The following MLLT10 variants were observed in gnomAD, a reference collection of about 807,000 sequenced individuals.
MLLT10 encodes MLLT10 histone lysine methyltransferase DOT1L cofactor.
MLLT10 carries 30 observed loss-of-function variants against 129.1 expected under a neutral mutation model. That is an observed-to-expected ratio of 0.23 (90% CI 0.17 to 0.32). The LOEUF (loss-of-function observed/expected upper bound fraction) is 0.32. MLLT10 is among the 10% of genes least tolerant of loss of function. The pLI is 1.00. For missense variants in MLLT10, 1,119 were observed against 1,268.3 expected, an observed-to-expected ratio of 0.88 and a Z score of 1.79; for synonymous variants, 490 against 446.4, an observed-to-expected ratio of 1.10 and a Z score of -1.23.
chr10:21,534,148 G>A (rs954604485), upstream of MLLT10: 7 of 358,768 alleles, frequency 2.0e-5, no homozygotes, highest in Admixed American at 1.9e-4. Flanking sequence ...GAGGTAGGCC[G>A]GGGGCAGCCA....
intron 14 of MLLT10, among the ~76,000 whole-genome samples, chr10:21,723,149 G>A (rs552224911): frequency 1.3e-5 from 2 of 151,944 alleles, no homozygotes; most frequent in Admixed American, 6.6e-5. Flanking sequence ...TTTAGCATAC[G>A]CTAAAGATAC....
chr10:21,631,648 A>C (rs944320762), intron 8 of MLLT10, among the ~76,000 whole-genome samples: 1 of 152,156 alleles, frequency 6.6e-6, no homozygotes, highest in South Asian at 2.1e-4. Context: ...CATCTTTACC[A>C]TGGTGGAGCA....
rs1714687017 is a variant in MLLT10 at position 21,742,398 on chromosome 10, C to T, written c.*415C>T. On this transcript the variant is annotated 3_prime_UTR_variant, in exon 23 of 23. Transcript: ENST00000307729. Reference sequence around the variant, plus strand: ...ATTTTATTGTACAAGTTGAAATATGCTCTTTTGTTTGGGTTACAGTATGCT... The same window carrying T: ...ATTTTATTGTACAAGTTGAAATATGTTCTTTTGTTTGGGTTACAGTATGCT... The T allele has an allele frequency of 4.4e-6, 1 of 228,282 alleles. No homozygotes were observed. Among genetic ancestry groups the T allele is most frequent in the African/African-American group, 2.2e-5 (1 of 44,968 alleles). The allele number at this position is 228,282 out of a possible 1,614,324, so 14.1% of individuals were successfully genotyped here. A position where few individuals can be genotyped will look rare whatever the true frequency, so the allele number is the denominator to read the frequency against.
At chr10:21,556,293 A>T (rs1214096482) in intron 3 of MLLT10, among the ~76,000 whole-genome samples, 2 of 152,160 alleles carry the variant, frequency 1.3e-5, no homozygotes. Context: ...TAATGAGTGG[A>T]TTGGAAGTTT....
intron 16 of MLLT10, among the ~76,000 whole-genome samples, chr10:21,728,407 T>G (rs1236323120): frequency 6.6e-6 from 1 of 152,240 alleles, no homozygotes; most frequent in South Asian, 2.1e-4. Flanking sequence ...TACAAGTTTT[T>G]TGAAATCATT....
intron 9 of MLLT10, among the ~76,000 whole-genome samples, chr10:21,669,915 ATCTT>A (rs2051211709): frequency 1.3e-5 from 2 of 151,918 alleles, no homozygotes; most frequent in Admixed American, 1.3e-4. Context: ...TCTGTTTCAA[ATCTT>A]TCTGTTTTTT....
chr10:21,713,734 T>G, intron 13 of MLLT10, 38 bp from the exon 14 acceptor site: 1 of 1,568,306 alleles, frequency 6.4e-7, no homozygotes, highest in Non-Finnish European at 8.7e-7. Context: ...CAAATTTGAC[T>G]GCTAAGTTAT....
At chr10:21,573,141 ATC>A (rs1236694951) in intron 3 of MLLT10, among the ~76,000 whole-genome samples, 2 of 152,156 alleles carry the variant, frequency 1.3e-5, no homozygotes, top group Non-Finnish European at 2.9e-5. Context: ...ACACTGTTTT[ATC>A]TCTTTTTTCC....
At position 21,681,316 on chromosome 10, in the gene MLLT10, T is replaced by C. The variant is rs1229465238; in HGVS notation, c.1622-16T>C. On this transcript the variant is annotated splice_polypyrimidine_tract_variant and intron_variant, in intron 11 of 22. Transcript: ENST00000307729. ...GCAATTTCTTCACTGATTTCCTTTT[T>C]CCTTCCTCTCAACAGAAATTTCCAT... 6.2e-7 allele frequency: 1 copy of C among 1,612,188 alleles called. No homozygotes were observed. Among genetic ancestry groups the C allele is most frequent in the Non-Finnish European group, 8.5e-7 (1 of 1,179,604 alleles).
At chr10:21,613,380 CTGAG>C (rs1280860279) in intron 6 of MLLT10, among the ~76,000 whole-genome samples, 6 of 151,956 alleles carry the variant, frequency 3.9e-5, no homozygotes, top group African/African-American at 1.5e-4. Flanking sequence ...TGCTCATTTC[CTGAG>C]TTTTTAGTGT....
At chr10:21,618,163 T>C (rs2045451120) in intron 8 of MLLT10, among the ~76,000 whole-genome samples, 2 of 152,236 alleles carry the variant, frequency 1.3e-5, no homozygotes, top group Admixed American at 1.3e-4. Flanking sequence ...AGATCTCTTA[T>C]CATTTTCACA....
intron 13 of MLLT10, among the ~76,000 whole-genome samples, chr10:21,682,908 C>A (rs1447372174): frequency 6.6e-6 from 1 of 152,066 alleles, no homozygotes; most frequent in African/African-American, 2.4e-5. Flanking sequence ...TTCAAAAATT[C>A]TCGTTTTGAG....
intron 9 of MLLT10, chr10:21,661,687 A>G (rs2050221302): frequency 6.6e-6 from 1 of 152,178 alleles, no homozygotes; most frequent in Non-Finnish European, 1.5e-5. Flanking sequence ...CAGGGGTCCT[A>G]CTAATCTTCT....
intron 8 of MLLT10, among the ~76,000 whole-genome samples, chr10:21,642,326 T>C (rs1278326795): frequency 6.6e-6 from 1 of 151,666 alleles, no homozygotes; most frequent in Non-Finnish European, 1.5e-5. Flanking sequence ...CACTCCAGCC[T>C]GGGCAACAAG....
intron 5 of MLLT10, among the ~76,000 whole-genome samples, 157 bp from the exon 6 acceptor site, chr10:21,612,191 G>A (rs535034774): frequency 5.3e-5 from 8 of 152,066 alleles, no homozygotes; most frequent in Non-Finnish European, 8.8e-5. Flanking sequence ...TGTTTGTATT[G>A]TATGCAAAAA....
At chr10:21,553,703 G>A (rs999382862) in intron 3 of MLLT10, among the ~76,000 whole-genome samples, 2 of 149,750 alleles carry the variant, frequency 1.3e-5, no homozygotes, top group Non-Finnish European at 3.0e-5. Context: ...AGGCTGAAGT[G>A]CAGTGACGTG....
intron 5 of MLLT10, among the ~76,000 whole-genome samples, chr10:21,603,229 T>C (rs2043732426): frequency 6.7e-6 from 1 of 150,036 alleles, no homozygotes; most frequent in African/African-American, 2.4e-5. Context: ...ATTTTTTTTT[T>C]TTTTTTTTTG....
At chr10:21,618,342 GAA>G (rs1006969017) in intron 8 of MLLT10, among the ~76,000 whole-genome samples, 2 of 146,328 alleles carry the variant, frequency 1.4e-5, no homozygotes, top group African/African-American at 2.5e-5. Context: ...CTAAAAATAC[GAA>G]AAAAAAAAAT....
chr10:21,678,340 T>C (rs959772281), intron 11 of MLLT10, among the ~76,000 whole-genome samples: 3 of 152,060 alleles, frequency 2.0e-5, no homozygotes, highest in Non-Finnish European at 4.4e-5. Context: ...CTTGACCTCA[T>C]GATCCACCTG....
Sources: gnomAD v4.1 joint callset for allele counts (sites outside exome capture counted in the v4.1 genomes callset) on GRCh38, gnomAD v4.1.1 for gene constraint, MANE v1.5 for transcripts, NCBI Gene and HGNC (gene_info 2026-07-23, HGNC 2026-07-21) for gene names.